Variants in SGCZ observed in about 807,000 individuals in gnomAD.
SGCZ encodes the protein zeta-sarcoglycan.
In SGCZ, 40 loss-of-function variants were observed where a neutral mutation model predicts 41.3. The ratio of observed to expected loss-of-function variants is 0.97; its 90% CI spans 0.75 to 1.26. SGCZ has a LOEUF of 1.26. Ranked by LOEUF, SGCZ falls within the 50% of genes most tolerant of loss-of-function variation. The pLI is 0.00. For synonymous variants in SGCZ, 206 were observed against 137.5 expected (o/e 1.50, Z -3.49); for missense variants, 552 against 369.8 (o/e 1.49, Z -4.04).
chr8:14,627,017 A>G (rs1052741889), intron 1 of SGCZ, among the ~76,000 whole-genome samples: 1 of 152,192 alleles, frequency 6.6e-6, no homozygotes, highest in South Asian at 2.1e-4. Context: ...CCTTCCAAAT[A>G]ATAGGTCTCA....
intron 5 of SGCZ, among the ~76,000 whole-genome samples, chr8:14,141,318 T>A (rs1450279824): frequency 1.3e-5 from 2 of 152,140 alleles, no homozygotes; most frequent in East Asian, 1.9e-4. Context: ...TAGACAAATG[T>A]GATCTGATTA....
chr8:14,357,084 T>TA lies in SGCZ; in HGVS notation c.235-32881dup, dbSNP rs201044525. 8.5e-3 allele frequency among the ~76,000 whole-genome samples: 1,286 copies of TA among 151,850 alleles called. 16 individuals are homozygous for TA. The highest frequency in any genetic ancestry group is 0.029 in the African/African-American group (1,194 of 41,442). Reference sequence around the variant, plus strand: ...CAAAAGTAAATGAAATATTAAATTGTAAAAAAAAGTAAGTTTCAAATGAAT... The same window carrying TA: ...CAAAAGTAAATGAAATATTAAATTGTAAAAAAAAAGTAAGTTTCAAATGAAT... On this transcript the variant is annotated intron_variant, in intron 2 of 7. Coordinates refer to ENST00000382080, the MANE Select transcript of SGCZ (RefSeq NM_139167.4).
chr8:14,958,389 A>T (rs558401878), intron 1 of SGCZ, among the ~76,000 whole-genome samples: 1 of 152,208 alleles, frequency 6.6e-6, no homozygotes, highest in African/African-American at 2.4e-5. Flanking sequence ...ATACAATGGA[A>T]TATTTATACT....
intron 1 of SGCZ, among the ~76,000 whole-genome samples, chr8:15,136,829 C>T (rs546522256): frequency 1.1e-4 from 17 of 152,176 alleles, no homozygotes; most frequent in Admixed American, 2.6e-4. Flanking sequence ...ACTGTTAGAA[C>T]GCAATAATCC....
At chr8:14,117,352 TAG>T (rs760458892) in intron 5 of SGCZ, among the ~76,000 whole-genome samples, 3,051 of 33,518 alleles carry the variant, frequency 0.091, 51 homozygotes, top group Non-Finnish European at 0.13. Context: ...TTTCAATAGG[TAG>T]TGTTTTTTTT....
intron 1 of SGCZ, among the ~76,000 whole-genome samples, chr8:14,919,923 T>A (rs971273998): frequency 2.0e-5 from 3 of 152,010 alleles, no homozygotes; most frequent in African/African-American, 7.2e-5. Context: ...GTTTTTTTTG[T>A]TTTGTTTTGT....
intron 1 of SGCZ, among the ~76,000 whole-genome samples, chr8:14,641,193 C>G (rs542085861): frequency 6.6e-6 from 1 of 151,650 alleles, no homozygotes; most frequent in African/African-American, 2.4e-5. Context: ...AACAACTAGT[C>G]TGTCACTACG....
At chr8:14,458,281 G>A (rs11994313) in intron 2 of SGCZ, among the ~76,000 whole-genome samples, 6,198 of 152,098 alleles carry the variant, frequency 0.041, 398 homozygotes, top group African/African-American at 0.14. Flanking sequence ...CAAATATTTG[G>A]GAAAAGAGTG....
At position 15,149,897 on chromosome 8, in the gene SGCZ, G is replaced by A. The variant is rs779076411; in HGVS notation, c.39+87688C>T. Among the ~76,000 whole-genome samples, 79 of 152,222 alleles carry A rather than the reference G, an allele frequency of 5.2e-4. 1 individual carries two copies. Among genetic ancestry groups the A allele is most frequent in the Non-Finnish European group, 3.5e-4 (24 of 68,026 alleles). ...GAGAATAACTAGAAAACAAAAATGT[G>A]CATCAACAGAGACCTGGAGGCATCA... is the stretch of plus-strand genomic sequence containing the variant. On this transcript the variant is annotated intron_variant, in intron 1 of 7. Transcript: ENST00000382080.
rs1801197093 is a variant in SGCZ at position 14,470,930 on chromosome 8, G to C, written c.234+83802C>G. 2.6e-5 allele frequency among the ~76,000 whole-genome samples: 4 copies of C among 152,116 alleles called. 1 individual carries two copies. The South Asian group carries it at 8.3e-4, about 32-fold the overall frequency. On this transcript the variant is annotated intron_variant, in intron 2 of 7. Transcript: ENST00000382080. ...ATTTTACTTGCTTATCAGATCTTTA[G>C]TAAGCTTGGCCCCAGGCACAATCAT...
chr8:14,593,857 A>C (rs1159666890), intron 1 of SGCZ, among the ~76,000 whole-genome samples: 1 of 152,118 alleles, frequency 6.6e-6, no homozygotes, highest in African/African-American at 2.4e-5. Context: ...TGTGTATCAG[A>C]ATCACCTAGG....
At chr8:14,523,639 C>T (rs1199683492) in intron 2 of SGCZ, among the ~76,000 whole-genome samples, 1 of 151,938 alleles carries the variant, frequency 6.6e-6, no homozygotes, top group Non-Finnish European at 1.5e-5. Flanking sequence ...CTGTTTGTGT[C>T]TAGCTTTAGA....
intron 1 of SGCZ, among the ~76,000 whole-genome samples, chr8:14,721,356 G>A (rs568120451): frequency 4.8e-4 from 73 of 152,210 alleles, no homozygotes; most frequent in African/African-American, 1.7e-3. Flanking sequence ...GTCTAATAAA[G>A]AGCTCAATCT....
At chr8:14,497,237 T>C (rs1364916128) in intron 2 of SGCZ, among the ~76,000 whole-genome samples, 1 of 152,162 alleles carries the variant, frequency 6.6e-6, no homozygotes, top group East Asian at 1.9e-4. Flanking sequence ...ACAGGGAGCA[T>C]GGCAACGACA....
At chr8:14,454,942 T>G (rs1371570271) in intron 2 of SGCZ, among the ~76,000 whole-genome samples, 1 of 152,180 alleles carries the variant, frequency 6.6e-6, no homozygotes, top group Non-Finnish European at 1.5e-5. Context: ...AAGAGATGGG[T>G]AGATTTGTCT....
intron 3 of SGCZ, among the ~76,000 whole-genome samples, chr8:14,294,346 CTT>C (rs1800944038): frequency 6.6e-6 from 1 of 151,810 alleles, no homozygotes. Context: ...AAGTCACAAA[CTT>C]TTTTGTGACC....
At chr8:15,229,022 G>A (rs924306491) in intron 1 of SGCZ, among the ~76,000 whole-genome samples, 19 of 152,026 alleles carry the variant, frequency 1.2e-4, no homozygotes, top group African/African-American at 3.9e-4. Context: ...GGTGAAACCC[G>A]TATCTACAAA....
At chr8:14,232,066 C>A (rs1374903615) in intron 4 of SGCZ, among the ~76,000 whole-genome samples, 3 of 151,750 alleles carry the variant, frequency 2.0e-5, no homozygotes, top group African/African-American at 4.8e-5. Flanking sequence ...TACAGGAAAA[C>A]AAATTTTCAA....
Position 15,237,571 on chromosome 8 carries a change from G to T in SGCZ, c.39+14C>A. 9 of 1,586,844 alleles carry T rather than the reference G, an allele frequency of 5.7e-6. No homozygotes were observed. Among genetic ancestry groups the T allele is most frequent in the Non-Finnish European group, 7.7e-6 (9 of 1,164,656 alleles). ...CGAGAAGCGGCCGCGAAGCCCGCCC[G>T]GACCCGCACGTACCTTGAGCTCCTC... On this transcript the variant is annotated intron_variant, in intron 1 of 7. Transcript: ENST00000382080.
Sources: gnomAD v4.1 joint callset for allele counts (sites outside exome capture counted in the v4.1 genomes callset) on GRCh38, gnomAD v4.1.1 for gene constraint, MANE v1.5 for transcripts, NCBI Gene and HGNC (gene_info 2026-07-23, HGNC 2026-07-21) for gene names.